The following PRKN variants were observed in gnomAD, a reference collection of about 807,000 sequenced individuals.
The protein encoded by PRKN is E3 ubiquitin-protein ligase parkin.
PRKN carries 56 observed loss-of-function variants against 59.5 expected under a neutral mutation model. The observed-to-expected ratio is 0.94, with a 90% CI of 0.76 to 1.18. The LOEUF (loss-of-function observed/expected upper bound fraction) is 1.18. Ranked by LOEUF, PRKN falls within the 50% of genes most tolerant of loss-of-function variation. The pLI, the probability that PRKN is intolerant of heterozygous loss-of-function variation, is 0.00. For missense variants in PRKN, 657 were observed against 596.4 expected, an observed-to-expected ratio of 1.10 and a Z score of -1.06; for synonymous variants, 250 against 222.1, an observed-to-expected ratio of 1.13 and a Z score of -1.12.
chr6:162,016,095 A>T (rs898735798), intron 5 of PRKN, among the ~76,000 whole-genome samples: 1 of 152,120 alleles, frequency 6.6e-6, no homozygotes, highest in African/African-American at 2.4e-5. Context: ...TTTATGTTAT[A>T]GGGCAATTTT....
At chr6:162,635,029 G>A (rs374601837) in intron 1 of PRKN, among the ~76,000 whole-genome samples, 1 of 152,130 alleles carries the variant, frequency 6.6e-6, no homozygotes, top group Admixed American at 6.5e-5. Context: ...CTTACCTCAA[G>A]TATTTAAATA....
At chr6:162,454,999 T>C (rs925402484) in intron 1 of PRKN, among the ~76,000 whole-genome samples, 4 of 152,184 alleles carry the variant, frequency 2.6e-5, no homozygotes, top group Non-Finnish European at 4.4e-5. Flanking sequence ...TGGGTTGAGT[T>C]AGGCTGGTAT....
intron 2 of PRKN, among the ~76,000 whole-genome samples, chr6:162,418,664 A>AG (rs1279834174): frequency 2.6e-5 from 2 of 77,694 alleles, no homozygotes; most frequent in East Asian, 6.4e-4. Flanking sequence ...GTGTGTGTTG[A>AG]GGGGGGGGAT....
chr6:162,664,421 G>A (rs920396239), intron 1 of PRKN, among the ~76,000 whole-genome samples: 2 of 152,174 alleles, frequency 1.3e-5, no homozygotes, highest in Non-Finnish European at 2.9e-5. Context: ...TAATGGGATT[G>A]CTGGGTTAAA....
At chr6:161,863,368 G>A (rs528604809) in intron 6 of PRKN, among the ~76,000 whole-genome samples, 4 of 151,042 alleles carry the variant, frequency 2.6e-5, no homozygotes, top group African/African-American at 7.3e-5. Flanking sequence ...TTGTGTATAC[G>A]TTTTTAAATT....
At chr6:161,422,510 A>C (rs1788149466) in intron 9 of PRKN, among the ~76,000 whole-genome samples, 1 of 152,076 alleles carries the variant, frequency 6.6e-6, no homozygotes, top group African/African-American at 2.4e-5. Context: ...GACAACACAA[A>C]TAAAATCTTG....
intron 1 of PRKN, among the ~76,000 whole-genome samples, chr6:162,590,678 A>G (rs1047806119): frequency 2.0e-5 from 3 of 152,338 alleles, no homozygotes; most frequent in Admixed American, 2.0e-4. Context: ...GAAAGCCACA[A>G]TGAAACCCGT....
At chr6:162,347,055 G>A (rs1177001362) in intron 2 of PRKN, among the ~76,000 whole-genome samples, 1 of 151,266 alleles carries the variant, frequency 6.6e-6, no homozygotes, top group East Asian at 1.9e-4. Context: ...CTTGTGAGAT[G>A]TGTATCTATT....
At chr6:162,662,477 T>A (rs1377225652) in intron 1 of PRKN, among the ~76,000 whole-genome samples, 1 of 152,176 alleles carries the variant, frequency 6.6e-6, no homozygotes, top group African/African-American at 2.4e-5. Context: ...TTTGAAGACA[T>A]GGTCATAAAT....
chr6:162,393,156 T>C (rs1158596500), intron 2 of PRKN, among the ~76,000 whole-genome samples: 1 of 92,528 alleles, frequency 1.1e-5, no homozygotes, highest in Non-Finnish European at 1.9e-5. Flanking sequence ...TAGGAGATTC[T>C]TTTTTTTTTT....
At position 162,493,121 on chromosome 6, in the gene PRKN, T is replaced by C. The variant is rs143350890; in HGVS notation, c.8-49648A>G. On this transcript the variant is annotated intron_variant, in intron 1 of 11. Transcript: ENST00000366898. ...ATACCAGCCTATCTCTTACTTCCCTTGTTCGGCCAGCAGGATAAAAATCAA... is the reference window on the plus strand; with the variant it reads ...ATACCAGCCTATCTCTTACTTCCCTCGTTCGGCCAGCAGGATAAAAATCAA... 1.0e-3 allele frequency among the ~76,000 whole-genome samples: 155 copies of C among 152,272 alleles called. 6 individuals carry two copies. The East Asian group carries it at 0.025, about 24-fold the overall frequency.
Position 161,547,890 on chromosome 6 carries a change from C to T in PRKN, c.1083+964G>A, listed in dbSNP as rs1208792395. ...TTTTCAACTTCCACTTCCTCTACTC[C>T]ATTGCTCAACCCAGGATTTTATGAG... On this transcript the variant is annotated intron_variant, in intron 9 of 11. Coordinates refer to ENST00000366898, the MANE Select transcript of PRKN (RefSeq NM_004562.3). The surrounding 1 kb of genome is among the most constrained non-coding windows in gnomAD (Gnocchi z 4.0). Among the ~76,000 whole-genome samples, 1 of 152,180 alleles carries T rather than the reference C, an allele frequency of 6.6e-6. No individual in the cohort carries two copies. Among genetic ancestry groups the T allele is most frequent in the African/African-American group, 2.4e-5 (1 of 41,432 alleles).
intron 5 of PRKN, 63 bp from the exon 6 acceptor site, chr6:161,973,480 T>G: frequency 1.1e-6 from 1 of 870,802 alleles, no homozygotes; most frequent in South Asian, 1.4e-5. Context: ...CCTCTAAATG[T>G]TTCCACAGTA....
chr6:161,762,711 A>G (rs904173450), intron 7 of PRKN, among the ~76,000 whole-genome samples: 1 of 152,212 alleles, frequency 6.6e-6, no homozygotes, highest in African/African-American at 2.4e-5. Flanking sequence ...GAAATGCCTA[A>G]GGAAAAGGAA....
chr6:162,088,520 AT>A (rs1352052015), intron 4 of PRKN, among the ~76,000 whole-genome samples: 1 of 152,178 alleles, frequency 6.6e-6, no homozygotes, highest in Non-Finnish European at 1.5e-5. Flanking sequence ...TTTAGTCAAA[AT>A]TTTGTGTATT....
At chr6:162,132,951 C>T (rs903630456) in intron 4 of PRKN, among the ~76,000 whole-genome samples, 3 of 152,184 alleles carry the variant, frequency 2.0e-5, no homozygotes, top group African/African-American at 7.2e-5. Flanking sequence ...ACTGAGTGAA[C>T]AGTCTAGAAG....
chr6:161,941,619 A>C (rs1359163042), intron 6 of PRKN, among the ~76,000 whole-genome samples: 1 of 152,192 alleles, frequency 6.6e-6, no homozygotes, highest in Admixed American at 6.5e-5. Flanking sequence ...CTGTCTACAG[A>C]TGGCTAAACT....
chr6:161,558,369 C>T lies in PRKN; in HGVS notation c.934-9366G>A, dbSNP rs1025113878. 5.3e-5 allele frequency among the ~76,000 whole-genome samples: 8 copies of T among 151,974 alleles called. No individual in the cohort carries two copies. The East Asian group carries it at 1.4e-3, about 26-fold the overall frequency. On this transcript the variant is annotated intron_variant, in intron 8 of 11. Coordinates refer to ENST00000366898, the MANE Select transcript of PRKN (RefSeq NM_004562.3). ...TTGAGACCAGGAGTTTGAGGCCAGC[C>T]TAGGCAACACAGCAAGACCCCATTT... is the stretch of plus-strand genomic sequence containing the variant.
At chr6:162,139,531 T>C (rs1781690170) in intron 4 of PRKN, among the ~76,000 whole-genome samples, 1 of 152,024 alleles carries the variant, frequency 6.6e-6, no homozygotes, top group South Asian at 2.1e-4. Flanking sequence ...AGAATCAGCA[T>C]GGCAGTATGA....
Sources: allele counts gnomAD v4.1 joint callset (sites outside exome capture counted in the v4.1 genomes callset), GRCh38; gene constraint gnomAD v4.1.1; non-coding constraint Gnocchi (gnomAD v3.1); transcripts MANE v1.5; gene names NCBI Gene and HGNC (gene_info 2026-07-23, HGNC 2026-07-21).